Variants in KIF18A observed in about 807,000 individuals in gnomAD.
KIF18A encodes kinesin-like protein KIF18A.
In KIF18A, 67 loss-of-function variants were observed where a neutral mutation model predicts 103.3. That is an observed-to-expected ratio of 0.65 (90% CI 0.53 to 0.79). The LOEUF (loss-of-function observed/expected upper bound fraction) is 0.79. KIF18A is among the 30% of genes least tolerant of loss of function. The pLI, the probability that KIF18A is intolerant of heterozygous loss-of-function variation, is 0.00. For missense variants in KIF18A, 1,032 were observed against 1,062.5 expected (o/e 0.97, Z 0.40); for synonymous variants, 367 against 355.5 (o/e 1.03, Z -0.36).
intron 13 of KIF18A, among the ~76,000 whole-genome samples, chr11:28,046,237 A>G (rs1489000423): frequency 2.0e-5 from 3 of 151,620 alleles, no homozygotes; most frequent in African/African-American, 7.3e-5. Flanking sequence ...CTATAAAGAC[A>G]CATGCACACG....
At chr11:28,096,281 A>G (rs1332918784) in intron 2 of KIF18A, among the ~76,000 whole-genome samples, 2 of 151,962 alleles carry the variant, frequency 1.3e-5, no homozygotes, top group Admixed American at 6.6e-5. Context: ...ATAACTTCTC[A>G]TATCATTATT....
chr11:28,029,845 A>G (rs1363444407), intron 15 of KIF18A, among the ~76,000 whole-genome samples: 1 of 120,858 alleles, frequency 8.3e-6, no homozygotes, highest in Non-Finnish European at 1.7e-5. Flanking sequence ...CAGGATACAA[A>G]ATCAATATAC....
At chr11:28,103,148 A>T (rs1279227488) in intron 1 of KIF18A, among the ~76,000 whole-genome samples, 1 of 152,156 alleles carries the variant, frequency 6.6e-6, no homozygotes, top group African/African-American at 2.4e-5. Context: ...AACATGAAAG[A>T]CAAATACTTC....
chr11:28,041,712 C>A (rs147340033), intron 13 of KIF18A, among the ~76,000 whole-genome samples: 2 of 151,872 alleles, frequency 1.3e-5, no homozygotes, highest in East Asian at 3.9e-4. Flanking sequence ...AAGGCTATTG[C>A]TATAGCTTAA....
intron 13 of KIF18A, among the ~76,000 whole-genome samples, chr11:28,044,821 A>G (rs919957552): frequency 5.9e-5 from 9 of 152,140 alleles, no homozygotes; most frequent in Non-Finnish European, 7.4e-5. Flanking sequence ...ACAATGTAAC[A>G]TGGATTACAA....
At chr11:28,050,728 A>C (rs1850701156) in intron 13 of KIF18A, among the ~76,000 whole-genome samples, 1 of 151,768 alleles carries the variant, frequency 6.6e-6, no homozygotes. Flanking sequence ...TCCATAAATA[A>C]ATTTTGCTGT....
chr11:28,097,926 G>A lies in KIF18A; in HGVS notation c.22C>T (p.Leu8=). The change falls in exon 2 of 17, where the codon CTG becomes TTG. Residue 8 remains leucine (L), a synonymous_variant. Transcript: ENST00000263181. MSVTEED[L]CHHMKVVVRV... ...ACTACTACTTTCATATGGTGGCACA[G>A]GTCTTCCTCAGTGACAGACATTGTT... 1.3e-6 allele frequency: 2 copies of A among 1,582,436 alleles called. No individual in the cohort carries two copies. Among genetic ancestry groups the A allele is most frequent in the Non-Finnish European group, 1.7e-6 (2 of 1,166,402 alleles).
At position 28,058,812 on chromosome 11, in the gene KIF18A, T is replaced by A. The variant is rs1013032869; in HGVS notation, c.1948+114A>T. 33 of 780,322 alleles carry A rather than the reference T, an allele frequency of 4.2e-5. No individual in the cohort carries two copies. In the African/African-American group the frequency reaches 5.8e-4, roughly 14 times the overall value. The allele number at this position is 780,322 out of a possible 1,614,324, so 48.3% of individuals were successfully genotyped here. On this transcript the variant is annotated intron_variant, in intron 13 of 16. Transcript: ENST00000263181. Reference sequence around the variant, plus strand: ...AATGACTATAAAGCTAATTTTCCCATTAATTTTCATAAAATAGACAAACCT... The same window carrying A: ...AATGACTATAAAGCTAATTTTCCCAATAATTTTCATAAAATAGACAAACCT...
chr11:28,057,016 A>G, intron 13 of KIF18A: 1 of 266,900 alleles, frequency 3.7e-6, no homozygotes, highest in South Asian at 3.4e-5. Context: ...AAATTGATCA[A>G]TTATTGCTCA....
rs756317004 is a variant in KIF18A, at chr11:28,068,696, A to T, written c.1590+563T>A. 3.3e-5 allele frequency among the ~76,000 whole-genome samples: 5 copies of T among 152,276 alleles called. No individual in the cohort carries two copies. In the South Asian group the frequency reaches 8.3e-4, roughly 25 times the overall value. ...GTAATATTACAATCATGAAACGACA[A>T]GCACGATAATGACATTTTAAAGGTA... On this transcript the variant is annotated intron_variant, in intron 11 of 16. Transcript: ENST00000263181.
chr11:28,092,603 G>T (rs75879007), intron 3 of KIF18A, among the ~76,000 whole-genome samples: 1 of 152,056 alleles, frequency 6.6e-6, no homozygotes, highest in African/African-American at 2.4e-5. Context: ...TTTATTAAAG[G>T]TATAAAGTTT....
At chr11:28,029,253 T>A (rs1358852854) in intron 15 of KIF18A, among the ~76,000 whole-genome samples, 3 of 152,150 alleles carry the variant, frequency 2.0e-5, no homozygotes, top group Non-Finnish European at 4.4e-5. Flanking sequence ...CCAATATCCC[T>A]GAAGAACATT....
At chr11:28,054,410 C>T (rs770920707) in intron 13 of KIF18A, among the ~76,000 whole-genome samples, 4 of 152,080 alleles carry the variant, frequency 2.6e-5, no homozygotes, top group African/African-American at 4.8e-5. Context: ...AGGGTTTCGC[C>T]CTGTTGCTCA....
chr11:28,103,329 A>G (rs1312765677), intron 1 of KIF18A, among the ~76,000 whole-genome samples: 1 of 151,998 alleles, frequency 6.6e-6, no homozygotes, highest in African/African-American at 2.4e-5. Flanking sequence ...TAAAAAAAAA[A>G]AAAAATTCCA....
At chr11:28,051,444 A>T (rs1590678233) in intron 13 of KIF18A, among the ~76,000 whole-genome samples, 1 of 151,946 alleles carries the variant, frequency 6.6e-6, no homozygotes, top group Non-Finnish European at 1.5e-5. Flanking sequence ...ATATATCTAT[A>T]TAAGAATGCT....
At chr11:28,040,284 T>C (rs890545327) in intron 13 of KIF18A, among the ~76,000 whole-genome samples, 6 of 151,660 alleles carry the variant, frequency 4.0e-5, no homozygotes, top group African/African-American at 1.5e-4. Context: ...AACTGTTGGA[T>C]ATGTTAGGTC....
intron 13 of KIF18A, among the ~76,000 whole-genome samples, chr11:28,049,483 G>A (rs1850684172): frequency 6.6e-6 from 1 of 152,012 alleles, no homozygotes; most frequent in South Asian, 2.1e-4. Flanking sequence ...TTATAGAGCT[G>A]TATGTTATTG....
intron 13 of KIF18A, among the ~76,000 whole-genome samples, chr11:28,036,927 GAT>G (rs1201749349): frequency 1.3e-5 from 2 of 151,524 alleles, no homozygotes; most frequent in Admixed American, 1.3e-4. Context: ...GCTTTCTTGA[GAT>G]ATTGGGTAAT....
chr11:28,032,305 C>T (rs1590663139), intron 15 of KIF18A, among the ~76,000 whole-genome samples: 1 of 151,772 alleles, frequency 6.6e-6, no homozygotes, highest in Non-Finnish European at 1.5e-5. Flanking sequence ...CAGTGGTCTA[C>T]AGAATCAATG....
Sources: allele counts gnomAD v4.1 joint callset (sites outside exome capture counted in the v4.1 genomes callset), GRCh38; gene constraint gnomAD v4.1.1; transcripts MANE v1.5; gene names NCBI Gene and HGNC (gene_info 2026-07-23, HGNC 2026-07-21).